MCTP1: variants seen among roughly 807,000 people sequenced by gnomAD.
MCTP1 encodes multiple C2 and transmembrane domain containing 1.
Under a neutral mutation model 120.6 loss-of-function variants are expected in MCTP1, and 69 were observed. The ratio of observed to expected loss-of-function variants is 0.57; its 90% CI spans 0.47 to 0.70. The LOEUF (loss-of-function observed/expected upper bound fraction) is 0.70. Among genes scored for constraint, MCTP1 ranks in the 30% least tolerant of loss-of-function variants. MCTP1 has a pLI of 0.00. For synonymous variants in MCTP1, 529 were observed against 493.1 expected (o/e 1.07, Z -0.96); for missense variants, 1,203 against 1,248.8 (o/e 0.96, Z 0.55).
rs1756678733 is a variant in MCTP1 at position 94,710,836 on chromosome 5, A to T, written c.2812T>A (p.Tyr938Asn). 20 of 1,612,204 alleles carry T rather than the reference A, an allele frequency of 1.2e-5. No individual in the cohort carries two copies. Among genetic ancestry groups the T allele is most frequent in the Non-Finnish European group, 1.7e-5 (20 of 1,178,710 alleles). ...TAILYCIPLR[Y>N]IVLVWGINKF... ...TACTTACCCCAGACAAGGACAATGT[A>T]TCTCAGCGGAATGCAGTACAGGATG... is the stretch of plus-strand genomic sequence containing the variant. The change falls in exon 21 of 23, where the codon TAC (tyrosine) becomes AAC (asparagine). Residue 938 changes from tyrosine (Y) to asparagine (N), a missense_variant. This residue lies in a region of MCTP1 where 740 missense variants were observed against 871.1 expected (regional missense o/e 0.85). Transcript: ENST00000515393.
chr5:94,994,497 T>G (rs893604844), intron 2 of MCTP1, among the ~76,000 whole-genome samples: 14 of 152,144 alleles, frequency 9.2e-5, no homozygotes, highest in African/African-American at 3.4e-4. Flanking sequence ...TAACATACAG[T>G]TTGTGGTCAT....
At chr5:94,869,076 G>T (rs1287423675) in intron 16 of MCTP1, among the ~76,000 whole-genome samples, 1 of 151,472 alleles carries the variant, frequency 6.6e-6, no homozygotes, top group Non-Finnish European at 1.5e-5. Flanking sequence ...TATGGTAACC[G>T]AGTGCTTTAC....
intron 15 of MCTP1, 121 bp downstream of exon 15, chr5:94,870,751 C>T: frequency 1.3e-6 from 1 of 780,194 alleles, no homozygotes; most frequent in Non-Finnish European, 2.2e-6. Flanking sequence ...AGCGTATTCT[C>T]CAGGACACAT....
At chr5:95,118,169 A>G (rs1757956584) in intron 1 of MCTP1, among the ~76,000 whole-genome samples, 1 of 152,238 alleles carries the variant, frequency 6.6e-6, no homozygotes, top group Admixed American at 6.5e-5. Context: ...CAATTTACCT[A>G]TGTAACAAAC....
At chr5:94,840,512 T>G (rs991026064) in intron 17 of MCTP1, among the ~76,000 whole-genome samples, 1 of 152,218 alleles carries the variant, frequency 6.6e-6, no homozygotes, top group Non-Finnish European at 1.5e-5. Flanking sequence ...ATTGGGACTT[T>G]TACTCTCCTC....
chr5:94,759,404 C>T (rs1043188278), intron 19 of MCTP1, among the ~76,000 whole-genome samples: 8 of 152,104 alleles, frequency 5.3e-5, no homozygotes, highest in African/African-American at 1.7e-4. Context: ...ATTATTTAAA[C>T]GTTTAATGTA....
intron 1 of MCTP1, among the ~76,000 whole-genome samples, chr5:95,251,126 G>A (rs1757342521): frequency 6.6e-6 from 1 of 152,072 alleles, no homozygotes; most frequent in South Asian, 2.1e-4. Context: ...AACAGCAGAA[G>A]CAAGAAAGAG....
Position 94,705,518 on chromosome 5 carries a change from A to AC in MCTP1, c.*1977_*1978insG, listed in dbSNP as rs1305709586. On this transcript the variant is annotated 3_prime_UTR_variant, in exon 23 of 23. Coordinates refer to ENST00000515393, the MANE Select transcript of MCTP1 (RefSeq NM_024717.7). The stretch of plus-strand genomic sequence containing the variant: ...AATCTCTGAACCACCAAAAAAAAAA[A>AC]AAAAAGGAGTGCTGATTATACGTGG... 6.6e-6 allele frequency: 1 copy of AC among 151,386 alleles called. No individual in the cohort carries two copies. Among genetic ancestry groups the AC allele is most frequent in the Non-Finnish European group, 1.5e-5 (1 of 67,622 alleles). The allele number at this position is 151,386 out of a possible 1,614,324, so 9.4% of individuals were successfully genotyped here. A position where few individuals can be genotyped will look rare whatever the true frequency, so the allele number is the denominator to read the frequency against.
chr5:94,818,609 T>G (rs1026511213), intron 17 of MCTP1, among the ~76,000 whole-genome samples: 5 of 152,224 alleles, frequency 3.3e-5, no homozygotes, highest in African/African-American at 1.2e-4. Context: ...CTCCTTCTGA[T>G]AGCTGTGATG....
At chr5:94,712,188 G>A (rs980224109) in intron 20 of MCTP1, among the ~76,000 whole-genome samples, 6 of 152,012 alleles carry the variant, frequency 3.9e-5, no homozygotes, top group African/African-American at 1.4e-4. Flanking sequence ...TATAAAATGG[G>A]GATAGCTTTT....
intron 17 of MCTP1, 171 bp downstream of exon 17, chr5:94,868,162 C>A: frequency 2.0e-6 from 1 of 491,990 alleles, no homozygotes; most frequent in Non-Finnish European, 3.3e-6. Context: ...TAGACTCAGA[C>A]CTTGTACAAT....
chr5:94,904,148 T>C (rs544780491), intron 10 of MCTP1, among the ~76,000 whole-genome samples: 1 of 152,360 alleles, frequency 6.6e-6, no homozygotes, highest in Admixed American at 6.5e-5. Flanking sequence ...ACTTGCAATA[T>C]GGTGTGCATC....
chr5:95,147,391 G>T (rs964275168), intron 1 of MCTP1, among the ~76,000 whole-genome samples: 1 of 152,118 alleles, frequency 6.6e-6, no homozygotes, highest in Non-Finnish European at 1.5e-5. Context: ...CAGCTATTGG[G>T]TGCTTATTTA....
chr5:94,978,075 A>G (rs1297157649), intron 2 of MCTP1, among the ~76,000 whole-genome samples: 1 of 152,156 alleles, frequency 6.6e-6, no homozygotes, highest in Non-Finnish European at 1.5e-5. Context: ...TGGAATAGAC[A>G]TTTCTCCAAA....
At chr5:95,038,506 C>A (rs1841759943) in intron 1 of MCTP1, among the ~76,000 whole-genome samples, 1 of 152,114 alleles carries the variant, frequency 6.6e-6, no homozygotes, top group Admixed American at 6.5e-5. Context: ...GAGAGCACCA[C>A]TCCCCATCCT....
chr5:95,004,439 G>A (rs1834284282), intron 2 of MCTP1, among the ~76,000 whole-genome samples: 1 of 152,180 alleles, frequency 6.6e-6, no homozygotes. Context: ...GCTGACAATG[G>A]AAGAAAATAC....
intron 1 of MCTP1, among the ~76,000 whole-genome samples, chr5:95,089,601 T>C (rs1297982961): frequency 6.6e-6 from 1 of 152,214 alleles, no homozygotes; most frequent in African/African-American, 2.4e-5. Flanking sequence ...TTCAGTGGTT[T>C]CTATACTACT....
chr5:95,046,225 C>T (rs773313744), intron 1 of MCTP1, among the ~76,000 whole-genome samples: 2 of 152,074 alleles, frequency 1.3e-5, no homozygotes, highest in African/African-American at 4.8e-5. Flanking sequence ...AATTTCATTG[C>T]TATTATTACC....
intron 17 of MCTP1, among the ~76,000 whole-genome samples, chr5:94,807,765 T>C (rs1782659076): frequency 6.6e-6 from 1 of 152,198 alleles, no homozygotes; most frequent in African/African-American, 2.4e-5. Context: ...CTCTGAAATA[T>C]GTGTGACAGT....
Sources: allele counts gnomAD v4.1 joint callset (sites outside exome capture counted in the v4.1 genomes callset), GRCh38; gene constraint gnomAD v4.1.1; regional missense constraint gnomAD v4.1.1; transcripts MANE v1.5; gene names NCBI Gene and HGNC (gene_info 2026-07-23, HGNC 2026-07-21).